The following CACNB2 variants were observed in gnomAD, a reference collection of about 807,000 sequenced individuals.
CACNB2 encodes the protein calcium voltage-gated channel auxiliary subunit beta 2, also known as voltage-dependent L-type calcium channel subunit beta-2.
Under a neutral mutation model 73.3 loss-of-function variants are expected in CACNB2, and 42 were observed. The observed-to-expected ratio is 0.57, with a 90% CI of 0.45 to 0.74. The LOEUF is 0.74. Among genes scored for constraint, CACNB2 ranks in the 30% least tolerant of loss-of-function variants. The pLI is 0.00. For synonymous variants in CACNB2, 348 were observed against 310.3 expected (o/e 1.12, Z -1.28); for missense variants, 940 against 853.0 (o/e 1.10, Z -1.27).
chr10:18,478,166 A>C (rs185442054), intron 3 of CACNB2, among the ~76,000 whole-genome samples: 84 of 152,254 alleles, frequency 5.5e-4, no homozygotes, highest in African/African-American at 2.0e-3. Context: ...TCCTGACCTA[A>C]GTTGATCCTC....
chr10:18,447,605 G>C (rs146669242), intron 3 of CACNB2, among the ~76,000 whole-genome samples: 1 of 152,008 alleles, frequency 6.6e-6, no homozygotes, highest in Admixed American at 6.6e-5. Flanking sequence ...AGAGAGGAGT[G>C]GGGGAGCTTT....
intron 2 of CACNB2, among the ~76,000 whole-genome samples, chr10:18,288,918 G>A (rs1277734): frequency 0.31 from 46,578 of 151,890 alleles, 7,560 homozygotes; most frequent in Middle Eastern, 0.43. Context: ...GGCAGCACAT[G>A]CCTGTCCTCC....
At chr10:18,401,027 G>A (rs750702461) in intron 2 of CACNB2, 18 of 1,614,016 alleles carry the variant, frequency 1.1e-5, no homozygotes, top group Non-Finnish European at 1.5e-5. Context: ...GGCGCTGTCT[G>A]GCTCATGAAG....
At chr10:18,382,045 G>A (rs749324038) in intron 2 of CACNB2, among the ~76,000 whole-genome samples, 21 of 151,866 alleles carry the variant, frequency 1.4e-4, no homozygotes, top group Admixed American at 3.3e-4. Flanking sequence ...TTATAATATC[G>A]TCATCTTAAG....
At chr10:18,291,910 T>C (rs1376404915) in intron 2 of CACNB2, among the ~76,000 whole-genome samples, 2 of 152,214 alleles carry the variant, frequency 1.3e-5, no homozygotes, top group Non-Finnish European at 2.9e-5. Flanking sequence ...TATAAATATC[T>C]TTGTAAGTGT....
chr10:18,505,241 T>C (rs1360607473), intron 5 of CACNB2, among the ~76,000 whole-genome samples: 2 of 150,004 alleles, frequency 1.3e-5, no homozygotes, highest in South Asian at 2.1e-4. Context: ...GACTTAATAC[T>C]TCAGAAAAAA....
At chr10:18,513,615 A>C (rs1478521818) in intron 6 of CACNB2, 6 of 313,954 alleles carry the variant, frequency 1.9e-5, no homozygotes, top group Middle Eastern at 1.1e-3. Context: ...AACTCGAATA[A>C]GAAAGTCACT....
chr10:18,536,287 T>C (rs2053594357), intron 12 of CACNB2, 91 bp downstream of exon 12: 1 of 630,874 alleles, frequency 1.6e-6, no homozygotes. Flanking sequence ...GGACAAGGTC[T>C]TGCTCTGTTG....
intron 2 of CACNB2, among the ~76,000 whole-genome samples, chr10:18,343,377 G>C (rs991618770): frequency 6.6e-6 from 1 of 151,880 alleles, no homozygotes; most frequent in Non-Finnish European, 1.5e-5. Context: ...GAAAGTATTT[G>C]GATCCAGTCA....
At chr10:18,396,442 T>A (rs538494259) in intron 2 of CACNB2, among the ~76,000 whole-genome samples, 1 of 152,226 alleles carries the variant, frequency 6.6e-6, no homozygotes, top group Non-Finnish European at 1.5e-5. Flanking sequence ...CCCTTTCCCC[T>A]TGGTCCTGGC....
At chr10:18,293,281 T>C (rs994987551) in intron 2 of CACNB2, among the ~76,000 whole-genome samples, 1 of 152,224 alleles carries the variant, frequency 6.6e-6, no homozygotes, top group Non-Finnish European at 1.5e-5. Flanking sequence ...TTCCTCTTAG[T>C]AAAACCAAGA....
rs77157865 is a variant in CACNB2 at position 18,518,634 on chromosome 10, T to C, written c.885+218T>C. Among the ~76,000 whole-genome samples the C allele has an allele frequency of 8.3e-3, 1,258 of 152,366 alleles. 23 individuals are homozygous for C. Among genetic ancestry groups the C allele is most frequent in the African/African-American group, 0.029 (1,208 of 41,584 alleles). The stretch of plus-strand genomic sequence containing the variant: ...ACCTGGCTGTTGCTTTGAAGATTTC[T>C]GCTAGCTGCAGTGTACTCAGTCCAG... On this transcript the variant is annotated intron_variant, in intron 8 of 13. Transcript: ENST00000324631.
intron 2 of CACNB2, among the ~76,000 whole-genome samples, chr10:18,183,836 C>T (rs903459643): frequency 6.6e-6 from 1 of 152,126 alleles, no homozygotes; most frequent in African/African-American, 2.4e-5. Context: ...TGTAGTGGTG[C>T]ATAGTACAGG....
intron 2 of CACNB2, among the ~76,000 whole-genome samples, chr10:18,167,330 C>T (rs77358141): frequency 0.043 from 6,532 of 151,952 alleles, 198 homozygotes; most frequent in Middle Eastern, 0.11. Context: ...AGGGGAGGGT[C>T]GACAAATTAC....
chr10:18,474,866 C>T (rs1421807391), intron 3 of CACNB2, among the ~76,000 whole-genome samples: 7 of 151,748 alleles, frequency 4.6e-5, no homozygotes, highest in African/African-American at 1.7e-4. Flanking sequence ...GGAGTTAGTG[C>T]AGACCCAACA....
chr10:18,389,755 G>A (rs1057096536), intron 2 of CACNB2, among the ~76,000 whole-genome samples: 2 of 152,202 alleles, frequency 1.3e-5, no homozygotes, highest in African/African-American at 4.8e-5. Context: ...TCAACAAGGT[G>A]TGAAAGTATC....
chr10:18,213,558 C>T (rs1187396181), intron 2 of CACNB2, among the ~76,000 whole-genome samples: 1 of 152,180 alleles, frequency 6.6e-6, no homozygotes, highest in East Asian at 1.9e-4. Flanking sequence ...ATTTTTCCTA[C>T]TTCTTTCCAT....
chr10:18,241,489 C>T (rs560757569), intron 2 of CACNB2, among the ~76,000 whole-genome samples: 3 of 151,754 alleles, frequency 2.0e-5, no homozygotes, highest in East Asian at 3.9e-4. Flanking sequence ...ATGTAGATGA[C>T]GGGTTGATGG....
At chr10:18,151,228 C>G (rs2031527660) in intron 2 of CACNB2, 1 of 394,336 alleles carries the variant, frequency 2.5e-6, no homozygotes, top group Admixed American at 4.2e-5. Flanking sequence ...TTCTTTGAAA[C>G]AGTGAGAGAA....
Sources: gnomAD v4.1 joint callset for allele counts (sites outside exome capture counted in the v4.1 genomes callset) on GRCh38, gnomAD v4.1.1 for gene constraint, MANE v1.5 for transcripts, NCBI Gene and HGNC (gene_info 2026-07-23, HGNC 2026-07-21) for gene names.